KCNB2: variants seen among roughly 807,000 people sequenced by gnomAD.
The protein encoded by KCNB2 is delayed rectifier potassium channel protein.
KCNB2 carries 15 observed loss-of-function variants against 61.5 expected under a neutral mutation model. The ratio of observed to expected loss-of-function variants is 0.24; its 90% CI spans 0.16 to 0.38. The LOEUF (loss-of-function observed/expected upper bound fraction) is 0.38, where lower values mean the gene tolerates loss of function less well. Among genes scored for constraint, KCNB2 ranks in the 10% least tolerant of loss-of-function variants. The pLI is 1.00. For missense variants in KCNB2, 828 were observed against 1,125.2 expected, an observed-to-expected ratio of 0.74 and a Z score of 3.78; for synonymous variants, 457 against 446.0, an observed-to-expected ratio of 1.02 and a Z score of -0.31.
intron 2 of KCNB2, among the ~76,000 whole-genome samples, chr8:72,674,364 C>T (rs1806616010): frequency 6.6e-6 from 1 of 152,168 alleles, no homozygotes; most frequent in Admixed American, 6.5e-5. Context: ...ATGTTAACAA[C>T]ATTTAAAGTT....
At chr8:72,849,154 A>ATTTTTTT (rs1302389450) in intron 2 of KCNB2, among the ~76,000 whole-genome samples, 1 of 150,028 alleles carries the variant, frequency 6.7e-6, no homozygotes, top group Admixed American at 6.6e-5. Context: ...CAGCCTTGTA[A>ATTTTTTT]TTTTTTTTAT....
chr8:72,635,517 G>A (rs1805950388), intron 2 of KCNB2, among the ~76,000 whole-genome samples: 2 of 152,230 alleles, frequency 1.3e-5, no homozygotes, highest in South Asian at 4.2e-4. Flanking sequence ...GCCCAGTGTC[G>A]AATGAAGAGT....
intron 2 of KCNB2, among the ~76,000 whole-genome samples, chr8:72,935,073 C>T (rs1806872187): frequency 6.6e-6 from 1 of 152,004 alleles, no homozygotes; most frequent in Admixed American, 6.6e-5. Flanking sequence ...TTCAACAGAT[C>T]TGTACTTTGA....
chr8:72,793,508 G>A (rs895158610), intron 2 of KCNB2, among the ~76,000 whole-genome samples: 18 of 152,236 alleles, frequency 1.2e-4, no homozygotes, highest in Admixed American at 1.0e-3. Context: ...AGGAGACATG[G>A]ATGTGGAGGT....
At chr8:72,895,722 C>A (rs1805978909) in intron 2 of KCNB2, among the ~76,000 whole-genome samples, 1 of 152,144 alleles carries the variant, frequency 6.6e-6, no homozygotes, top group African/African-American at 2.4e-5. Context: ...AGAGGCAAAT[C>A]TTTGTCCATA....
chr8:72,683,549 T>C (rs1806798040), intron 2 of KCNB2, among the ~76,000 whole-genome samples: 2 of 152,214 alleles, frequency 1.3e-5, no homozygotes, highest in Admixed American at 1.3e-4. Flanking sequence ...GCACTGCTGC[T>C]GAAGTGTATC....
chr8:72,685,192 A>G (rs1806830334), intron 2 of KCNB2, among the ~76,000 whole-genome samples: 1 of 152,206 alleles, frequency 6.6e-6, no homozygotes, highest in South Asian at 2.1e-4. Flanking sequence ...ATTTGTATTC[A>G]TATAGAAATG....
At chr8:72,587,082 C>T (rs1807012209) in intron 2 of KCNB2, among the ~76,000 whole-genome samples, 2 of 152,096 alleles carry the variant, frequency 1.3e-5, no homozygotes, top group South Asian at 4.1e-4. Context: ...AGAAACAGTT[C>T]TTGAGATTTT....
intron 2 of KCNB2, among the ~76,000 whole-genome samples, chr8:72,912,816 G>T (rs1479586367): frequency 6.6e-6 from 1 of 152,040 alleles, no homozygotes; most frequent in Non-Finnish European, 1.5e-5. Flanking sequence ...CCATCACTCA[G>T]TAATTAACAC....
chr8:72,775,975 A>G (rs1323604993), intron 2 of KCNB2, among the ~76,000 whole-genome samples: 40 of 152,204 alleles, frequency 2.6e-4, no homozygotes, highest in Admixed American at 2.6e-3. Flanking sequence ...GGCACTATTC[A>G]CAATAGCAAA....
chr8:72,815,689 G>T (rs1809385884), intron 2 of KCNB2, among the ~76,000 whole-genome samples: 1 of 152,162 alleles, frequency 6.6e-6, no homozygotes, highest in East Asian at 1.9e-4. Flanking sequence ...AAAACAAAGG[G>T]CAGGGAGTTG....
At chr8:72,538,393 G>A (rs566662891) in intron 1 of KCNB2, among the ~76,000 whole-genome samples, 19 of 152,264 alleles carry the variant, frequency 1.2e-4, no homozygotes, top group Non-Finnish European at 2.2e-4. Context: ...TCTGCTAGGG[G>A]ACTTGGGAAT....
At chr8:72,654,939 T>G (rs76709304) in intron 2 of KCNB2, among the ~76,000 whole-genome samples, 2,432 of 152,262 alleles carry the variant, frequency 0.016, 68 homozygotes, top group African/African-American at 0.056. Flanking sequence ...AGCAATCCCA[T>G]TGTTGAGTAT....
intron 2 of KCNB2, among the ~76,000 whole-genome samples, chr8:72,915,369 A>T (rs1159261225): frequency 1.3e-5 from 2 of 152,162 alleles, no homozygotes; most frequent in Non-Finnish European, 2.9e-5. Context: ...AGGCACTTGA[A>T]CCAGTTAGAA....
intron 2 of KCNB2, 144 bp from the exon 3 acceptor site, chr8:72,935,791 T>C: frequency 1.5e-6 from 1 of 689,146 alleles, no homozygotes; most frequent in Non-Finnish European, 2.6e-6. Flanking sequence ...GTTAGGGAAT[T>C]TTAAGTTGTA....
intron 1 of KCNB2, among the ~76,000 whole-genome samples, chr8:72,559,039 A>G (rs1563522603): frequency 6.6e-6 from 1 of 152,206 alleles, no homozygotes; most frequent in East Asian, 1.9e-4. Flanking sequence ...GGGAGCAGCA[A>G]GGGACATGTA....
At chr8:72,595,106 C>G (rs541416128) in intron 2 of KCNB2, among the ~76,000 whole-genome samples, 1 of 152,096 alleles carries the variant, frequency 6.6e-6, no homozygotes, top group South Asian at 2.1e-4. Flanking sequence ...GGAGAACAAT[C>G]AACATCTTGC....
In KCNB2 at chr8:72,685,437, G is replaced by T. The variant is rs139926770; in HGVS notation, c.579+117124G>T. 1.9e-3 allele frequency among the ~76,000 whole-genome samples: 295 copies of T among 152,212 alleles called. 3 individuals are homozygous for T. The highest frequency in any genetic ancestry group is 6.6e-3 in the African/African-American group (276 of 41,534). On this transcript the variant is annotated intron_variant, in intron 2 of 2. Coordinates refer to ENST00000523207, the MANE Select transcript of KCNB2 (RefSeq NM_004770.3). ...TTGTCCTAGAAGCTAGATGTACCATGTTGAATCGTACCAACACGGTGCCTG... is the reference window on the plus strand; with the variant it reads ...TTGTCCTAGAAGCTAGATGTACCATTTTGAATCGTACCAACACGGTGCCTG...
chr8:72,808,767 T>G (rs1809262211), intron 2 of KCNB2, among the ~76,000 whole-genome samples: 1 of 152,128 alleles, frequency 6.6e-6, no homozygotes, highest in Admixed American at 6.6e-5. Context: ...TGATGCCTCC[T>G]TATCTATCTA....
Sources: gnomAD v4.1 joint callset for allele counts (sites outside exome capture counted in the v4.1 genomes callset) on GRCh38, gnomAD v4.1.1 for gene constraint, MANE v1.5 for transcripts, NCBI Gene and HGNC (gene_info 2026-07-23, HGNC 2026-07-21) for gene names.